The following SNTG2 variants were observed in gnomAD, a reference collection of about 807,000 sequenced individuals.
SNTG2 encodes gamma-2-syntrophin.
SNTG2 carries 74 observed loss-of-function variants against 70.9 expected under a neutral mutation model. That is an observed-to-expected ratio of 1.04 (90% CI 0.86 to 1.27). The LOEUF (loss-of-function observed/expected upper bound fraction) is 1.27. SNTG2 is among the 50% of genes most tolerant of loss of function. The probability of loss-of-function intolerance (pLI) is 0.00; values close to 1 mark genes in which losing one functional copy is unlikely to be tolerated. For missense variants in SNTG2, 717 were observed against 690.7 expected (o/e 1.04, Z -0.43); for synonymous variants, 278 against 273.8 (o/e 1.02, Z -0.15).
chr2:1,218,739 G>C (rs1191584551), intron 9 of SNTG2, among the ~76,000 whole-genome samples: 1 of 152,170 alleles, frequency 6.6e-6, no homozygotes, highest in African/African-American at 2.4e-5. Context: ...TGAAGGAATA[G>C]TACGGGGATA....
At chr2:1,280,577 G>A (rs903101196) in intron 14 of SNTG2, among the ~76,000 whole-genome samples, 1 of 152,238 alleles carries the variant, frequency 6.6e-6, no homozygotes, top group Non-Finnish European at 1.5e-5. Flanking sequence ...ACCAAGGTCA[G>A]AGGCTCCTGG....
chr2:1,286,312 C>A (rs1322290601), intron 14 of SNTG2, among the ~76,000 whole-genome samples: 3 of 152,198 alleles, frequency 2.0e-5, no homozygotes. Flanking sequence ...TACCATATAT[C>A]AAATGCTGAT....
intron 13 of SNTG2, among the ~76,000 whole-genome samples, chr2:1,265,953 A>G (rs2148180686): frequency 6.6e-6 from 1 of 152,268 alleles, no homozygotes; most frequent in South Asian, 2.1e-4. Flanking sequence ...GTTGGGGTGC[A>G]GCGTCCCAGG....
At chr2:989,102 G>A (rs1020726919) in intron 1 of SNTG2, among the ~76,000 whole-genome samples, 8 of 152,020 alleles carry the variant, frequency 5.3e-5, no homozygotes, top group Non-Finnish European at 1.0e-4. Context: ...TGTCAAACTT[G>A]TTTAGTAGTT....
intron 8 of SNTG2, among the ~76,000 whole-genome samples, chr2:1,203,732 G>GTA (rs1034209818): frequency 6.7e-6 from 1 of 150,010 alleles, no homozygotes; most frequent in East Asian, 2.0e-4. Context: ...ATATGTATAT[G>GTA]TATATATATG....
chr2:1,338,692 A>G (rs62105573), intron 16 of SNTG2, among the ~76,000 whole-genome samples: 28,648 of 152,132 alleles, frequency 0.19, 3,243 homozygotes, highest in Middle Eastern at 0.28. Context: ...CCATGTTGGA[A>G]TATGTACCAG....
rs568941855 is a variant in SNTG2 at position 1,071,428 on chromosome 2, G to A, written c.73-12090G>A. 3.9e-3 allele frequency among the ~76,000 whole-genome samples: 565 copies of A among 145,212 alleles called. 3 individuals are homozygous for A. The highest frequency in any genetic ancestry group is 6.7e-3 in the Admixed American group (96 of 14,380). On this transcript the variant is annotated intron_variant, in intron 1 of 16. Transcript: ENST00000308624. ...AAAAAACCAAACACCGCATATTCTCGCTCATAGGTGGGAATTGAACAATGA... is the reference window on the plus strand; with the variant it reads ...AAAAAACCAAACACCGCATATTCTCACTCATAGGTGGGAATTGAACAATGA...
chr2:1,046,869 G>T lies in SNTG2; in HGVS notation c.73-36649G>T, dbSNP rs575661097. On this transcript the variant is annotated intron_variant, in intron 1 of 16. Transcript: ENST00000308624. Reference sequence around the variant, plus strand: ...GTGATCTTTTATAGTACCTCTCAGGGGTCCTCTGAATTTCCTAAATTTGAA... The same window carrying T: ...GTGATCTTTTATAGTACCTCTCAGGTGTCCTCTGAATTTCCTAAATTTGAA... 6.6e-5 allele frequency among the ~76,000 whole-genome samples: 10 copies of T among 151,984 alleles called. 1 individual carries two copies. In the South Asian group the frequency reaches 1.7e-3, roughly 25 times the overall value.
intron 1 of SNTG2, among the ~76,000 whole-genome samples, chr2:1,034,000 CTTTTATG>C (rs771335164): frequency 1.8e-4 from 28 of 151,634 alleles, no homozygotes; most frequent in Non-Finnish European, 3.4e-4. Flanking sequence ...ATATTTTTAA[CTTTTATG>C]TTTAGAGGTA....
At chr2:1,186,606 A>G (rs1672267487) in intron 8 of SNTG2, among the ~76,000 whole-genome samples, 1 of 152,284 alleles carries the variant, frequency 6.6e-6, no homozygotes, top group Middle Eastern at 3.4e-3. Context: ...GGAAGCAGGC[A>G]GGTCTTACGT....
At position 1,074,121 on chromosome 2, in the gene SNTG2, C is replaced by A. The variant is rs181569668; in HGVS notation, c.73-9397C>A. ...TTTGAGCATAGCCAGGTGGAAAGGACCAGGGTGAAGACACGGGGAGGACTC... is the reference window on the plus strand; with the variant it reads ...TTTGAGCATAGCCAGGTGGAAAGGAACAGGGTGAAGACACGGGGAGGACTC... On this transcript the variant is annotated intron_variant, in intron 1 of 16. Transcript: ENST00000308624. Among the ~76,000 whole-genome samples the A allele has an allele frequency of 2.6e-5, 4 of 152,284 alleles. No individual in the cohort carries two copies. The East Asian group carries it at 7.7e-4, about 29-fold the overall frequency.
intron 14 of SNTG2, among the ~76,000 whole-genome samples, chr2:1,267,790 G>T (rs1678827841): frequency 6.6e-6 from 1 of 152,192 alleles, no homozygotes; most frequent in African/African-American, 2.4e-5. Flanking sequence ...AGAGGATTTT[G>T]TGTCTGTGTC....
At chr2:1,243,933 G>C (rs988021371) in intron 11 of SNTG2, among the ~76,000 whole-genome samples, 2 of 152,200 alleles carry the variant, frequency 1.3e-5, no homozygotes, top group African/African-American at 4.8e-5. Context: ...GGCTGAGGCA[G>C]GAGAATCGCT....
intron 8 of SNTG2, among the ~76,000 whole-genome samples, chr2:1,174,158 C>T (rs1671316970): frequency 6.6e-6 from 1 of 152,084 alleles, no homozygotes; most frequent in Non-Finnish European, 1.5e-5. Context: ...CAGTTCTAAG[C>T]AATAATTAGA....
At chr2:1,338,049 G>T (rs1250022147) in intron 16 of SNTG2, among the ~76,000 whole-genome samples, 1 of 152,138 alleles carries the variant, frequency 6.6e-6, no homozygotes, top group Non-Finnish European at 1.5e-5. Flanking sequence ...GCTCTCTGGT[G>T]TATTCCATTC....
chr2:968,689 G>A (rs1267345649), intron 1 of SNTG2, among the ~76,000 whole-genome samples: 2 of 152,014 alleles, frequency 1.3e-5, no homozygotes, highest in East Asian at 1.9e-4. Flanking sequence ...GTCTGTTCAT[G>A]TCCTTTAACC....
At chr2:1,149,191 ACGTG>A (rs200065698) in intron 6 of SNTG2, among the ~76,000 whole-genome samples, 31 of 151,756 alleles carry the variant, frequency 2.0e-4, no homozygotes, top group African/African-American at 3.4e-4. Context: ...TTCTTGTCGG[ACGTG>A]TGTGTGTGTG....
chr2:1,337,391 A>G (rs1319517972), intron 16 of SNTG2, among the ~76,000 whole-genome samples: 1 of 152,158 alleles, frequency 6.6e-6, no homozygotes, highest in Non-Finnish European at 1.5e-5. Context: ...ATCCTAATGG[A>G]TGGTAAATGT....
intron 7 of SNTG2, among the ~76,000 whole-genome samples, chr2:1,171,014 T>C (rs1029755097): frequency 4.6e-5 from 7 of 152,074 alleles, no homozygotes; most frequent in Admixed American, 1.3e-4. Context: ...TTAGGGTTAA[T>C]TTTTTTTAAG....
Sources: gnomAD v4.1 joint callset for allele counts (sites outside exome capture counted in the v4.1 genomes callset) on GRCh38, gnomAD v4.1.1 for gene constraint, MANE v1.5 for transcripts, NCBI Gene and HGNC (gene_info 2026-07-23, HGNC 2026-07-21) for gene names.